PIGK: variants seen among roughly 807,000 people sequenced by gnomAD.
PIGK encodes the protein phosphatidylinositol glycan anchor biosynthesis class K.
PIGK carries 42 observed loss-of-function variants against 50.6 expected under a neutral mutation model. That is an observed-to-expected ratio of 0.83 (90% CI 0.65 to 1.07). The LOEUF (loss-of-function observed/expected upper bound fraction) is 1.07. PIGK is among the 50% of genes least tolerant of loss of function. The pLI, the probability that PIGK is intolerant of heterozygous loss-of-function variation, is 0.00. For missense variants in PIGK, 448 were observed against 488.7 expected (o/e 0.92, Z 0.78); for synonymous variants, 151 against 156.0 (o/e 0.97, Z 0.24).
At chr1:77,119,827 A>G (rs1210798557) in intron 10 of PIGK, among the ~76,000 whole-genome samples, 1 of 152,028 alleles carries the variant, frequency 6.6e-6, no homozygotes, top group Non-Finnish European at 1.5e-5. Flanking sequence ...CCTGGGTAGT[A>G]GGGAAAAGAG....
chr1:77,108,216 A>T lies in PIGK; in HGVS notation c.1071+14059T>A, dbSNP rs115496046. On this transcript the variant is annotated intron_variant, in intron 10 of 10. Coordinates refer to ENST00000370812, the MANE Select transcript of PIGK (RefSeq NM_005482.3). Reference sequence around the variant, plus strand: ...TCTTTATAATTTCGCATGTTTTTGCAGTGGCTGGTAGTGGTTGTTCCTCTC... The same window carrying T: ...TCTTTATAATTTCGCATGTTTTTGCTGTGGCTGGTAGTGGTTGTTCCTCTC... Among the ~76,000 whole-genome samples, 572 of 152,282 alleles carry T rather than the reference A, an allele frequency of 3.8e-3. 5 individuals carry two copies. Among genetic ancestry groups the T allele is most frequent in the African/African-American group, 0.013 (542 of 41,552 alleles).
At chr1:77,218,600 G>A (rs1327533160) in intron 1 of PIGK, among the ~76,000 whole-genome samples, 1 of 152,090 alleles carries the variant, frequency 6.6e-6, no homozygotes, top group African/African-American at 2.4e-5. Flanking sequence ...CTTTGCACAC[G>A]GATTTTCAAA....
At chr1:77,137,977 T>G (rs1654560665) in intron 9 of PIGK, among the ~76,000 whole-genome samples, 1 of 152,234 alleles carries the variant, frequency 6.6e-6, no homozygotes, top group East Asian at 1.9e-4. Flanking sequence ...CTAATGTTCT[T>G]GTAGGTCTAA....
chr1:77,149,189 T>G (rs541995772), intron 9 of PIGK, among the ~76,000 whole-genome samples: 2 of 152,062 alleles, frequency 1.3e-5, no homozygotes, highest in East Asian at 3.9e-4. Flanking sequence ...AGAGAGGAGT[T>G]ACAAAATAAC....
intron 9 of PIGK, among the ~76,000 whole-genome samples, chr1:77,132,948 G>C (rs1654411463): frequency 6.6e-6 from 1 of 151,976 alleles, no homozygotes; most frequent in Non-Finnish European, 1.5e-5. Flanking sequence ...TTTTAAGTTT[G>C]TTCTCTATGT....
intron 10 of PIGK, among the ~76,000 whole-genome samples, chr1:77,092,739 T>G (rs77124392): frequency 0.013 from 1,984 of 152,248 alleles, 48 homozygotes; most frequent in African/African-American, 0.045. Context: ...AGTCCTTCCC[T>G]GACTACCTAA....
chr1:77,139,851 T>A (rs1557803626), intron 9 of PIGK, among the ~76,000 whole-genome samples: 1 of 152,178 alleles, frequency 6.6e-6, no homozygotes, highest in Non-Finnish European at 1.5e-5. Flanking sequence ...GTGAAGTCAA[T>A]TGATTATTCT....
intron 9 of PIGK, among the ~76,000 whole-genome samples, chr1:77,128,479 C>T (rs12760157): frequency 0.11 from 17,189 of 152,158 alleles, 1,322 homozygotes; most frequent in African/African-American, 0.21. Context: ...AAAATAAACT[C>T]TTTTTCTCAT....
chr1:77,186,427 T>A (rs575789904), intron 3 of PIGK, among the ~76,000 whole-genome samples: 1 of 152,226 alleles, frequency 6.6e-6, no homozygotes, highest in Admixed American at 6.5e-5. Context: ...TGTGACTATA[T>A]ACTGATTCAT....
At position 77,210,453 on chromosome 1, in the gene PIGK, TTGTA is replaced by T. The variant is rs768839561; in HGVS notation, c.126_129del (p.His42GlnfsTer33). The T allele has an allele frequency of 1.3e-6, 2 of 1,595,088 alleles. No individual in the cohort carries two copies. Among genetic ancestry groups the T allele is most frequent in the Non-Finnish European group, 8.6e-7 (1 of 1,167,900 alleles). Reference sequence around the variant, plus strand: ...ATACTTACCAGAACAGCCCAGTTGTTTGTATGGCCACTTCTAAAGAATTGTTCTG... The same window carrying T: ...ATACTTACCAGAACAGCCCAGTTGTTTGGCCACTTCTAAAGAATTGTTCTG... On this transcript the variant is annotated frameshift_variant, in exon 2 of 11. Coordinates refer to ENST00000370812, the MANE Select transcript of PIGK (RefSeq NM_005482.3). LOFTEE classifies it high-confidence loss of function.
At chr1:77,215,987 A>G (rs1182330055) in intron 1 of PIGK, among the ~76,000 whole-genome samples, 2 of 152,176 alleles carry the variant, frequency 1.3e-5, no homozygotes, top group African/African-American at 4.8e-5. Context: ...ATACAAAATT[A>G]CAGATAGCAG....
chr1:77,149,257 A>C (rs192841712), intron 9 of PIGK, among the ~76,000 whole-genome samples: 28 of 152,332 alleles, frequency 1.8e-4, no homozygotes, highest in Admixed American at 7.8e-4. Flanking sequence ...AATAATACTG[A>C]ATATAAATTG....
intron 8 of PIGK, among the ~76,000 whole-genome samples, chr1:77,156,338 A>C (rs839831): frequency 0.21 from 31,693 of 152,030 alleles, 4,544 homozygotes; most frequent in African/African-American, 0.41. Flanking sequence ...AACATACTTC[A>C]CCTTATTATG....
In PIGK at chr1:77,199,727, T is replaced by C. The variant is rs183085956; in HGVS notation, c.239+6913A>G. Among the ~76,000 whole-genome samples the C allele has an allele frequency of 9.8e-4, 149 of 152,096 alleles. 1 individual carries two copies. Among genetic ancestry groups the C allele is most frequent in the African/African-American group, 3.4e-3 (141 of 41,568 alleles). ...AACAAAGGAACAAAAGATATTTAGATAGAAAAGAACACAAGATATTCTAGG... is the reference window on the plus strand; with the variant it reads ...AACAAAGGAACAAAAGATATTTAGACAGAAAAGAACACAAGATATTCTAGG... On this transcript the variant is annotated intron_variant, in intron 3 of 10. Coordinates refer to ENST00000370812, the MANE Select transcript of PIGK (RefSeq NM_005482.3).
chr1:77,195,176 C>T (rs375103349), intron 3 of PIGK: 1 of 1,212,702 alleles, frequency 8.2e-7, no homozygotes, highest in Admixed American at 1.7e-5. Context: ...TCAGAGGAGA[C>T]CCTCCTGTTC....
intron 9 of PIGK, among the ~76,000 whole-genome samples, chr1:77,132,119 C>T (rs759328505): frequency 6.6e-6 from 1 of 151,938 alleles, no homozygotes; most frequent in Non-Finnish European, 1.5e-5. Context: ...ACGTTAGCCA[C>T]CTCCAAAGTG....
chr1:77,160,847 G>A (rs1193070210), intron 8 of PIGK, among the ~76,000 whole-genome samples: 1 of 152,158 alleles, frequency 6.6e-6, no homozygotes, highest in Non-Finnish European at 1.5e-5. Context: ...CTCTTTTCCA[G>A]GAGTTTCCCA....
intron 3 of PIGK, among the ~76,000 whole-genome samples, chr1:77,182,266 A>T (rs1655632848): frequency 4.6e-5 from 7 of 152,208 alleles, no homozygotes; most frequent in Admixed American, 4.6e-4. Context: ...ACTTGATTAG[A>T]TTGCGCAAGG....
intron 10 of PIGK, among the ~76,000 whole-genome samples, chr1:77,116,607 T>C (rs1653979404): frequency 7.1e-6 from 1 of 141,794 alleles, no homozygotes; most frequent in South Asian, 2.2e-4. Flanking sequence ...CGCGTGTGTG[T>C]GTGTGTGTAT....
Sources: allele counts gnomAD v4.1 joint callset (sites outside exome capture counted in the v4.1 genomes callset), GRCh38; gene constraint gnomAD v4.1.1; transcripts MANE v1.5; gene names NCBI Gene and HGNC (gene_info 2026-07-23, HGNC 2026-07-21).